Variants in CNOT2 observed in about 807,000 individuals in gnomAD.
The protein encoded by CNOT2 is CC chemokine receptor 4-negative regulator of transcription 2.
A neutral mutation model predicts 72.1 loss-of-function variants in CNOT2; 7 were observed. The ratio of observed to expected loss-of-function variants is 0.10; its 90% CI spans 0.06 to 0.18. The LOEUF (loss-of-function observed/expected upper bound fraction) is 0.18, where lower values mean the gene tolerates loss of function less well. CNOT2 is among the 10% of genes least tolerant of loss of function. CNOT2 has a pLI of 1.00. For missense variants in CNOT2, 345 were observed against 660.3 expected, an observed-to-expected ratio of 0.52 and a Z score of 5.23; for synonymous variants, 196 against 225.6, an observed-to-expected ratio of 0.87 and a Z score of 1.17.
chr12:70,290,198 A>T (rs1871641769), intron 2 of CNOT2, among the ~76,000 whole-genome samples: 2 of 149,210 alleles, frequency 1.3e-5, no homozygotes, highest in East Asian at 2.0e-4. Context: ...GGCCCTGGGG[A>T]TTGTTTTCTC....
intron 3 of CNOT2, among the ~76,000 whole-genome samples, chr12:70,316,191 CTT>C (rs1316535625): frequency 2.0e-5 from 3 of 152,160 alleles, no homozygotes; most frequent in Admixed American, 1.3e-4. Flanking sequence ...AAACTAGACT[CTT>C]TTTACTTGTG....
At chr12:70,329,703 T>C in intron 5 of CNOT2, 133 bp downstream of exon 5, 1 of 666,064 alleles carries the variant, frequency 1.5e-6, no homozygotes, top group Non-Finnish European at 2.6e-6. Context: ...AAAATACCTA[T>C]GCTCTTTTTA....
intron 1 of CNOT2, among the ~76,000 whole-genome samples, chr12:70,277,100 ATGTT>A (rs1868958897): frequency 6.6e-6 from 1 of 152,066 alleles, no homozygotes; most frequent in Non-Finnish European, 1.5e-5. Context: ...TCCTCACAAA[ATGTT>A]TGTTGATATT....
At chr12:70,328,743 G>A (rs1185355281) in intron 4 of CNOT2, among the ~76,000 whole-genome samples, 2 of 149,946 alleles carry the variant, frequency 1.3e-5, no homozygotes, top group African/African-American at 2.4e-5. Context: ...CTATTAGAAT[G>A]TATAGTCCAT....
At chr12:70,256,552 T>C (rs1416593229) in intron 1 of CNOT2, among the ~76,000 whole-genome samples, 1 of 139,960 alleles carries the variant, frequency 7.1e-6, no homozygotes, top group Non-Finnish European at 1.5e-5. Context: ...GTGAATTAAA[T>C]GTGAGGTTCT....
At chr12:70,300,027 T>C (rs1873615175) in intron 2 of CNOT2, among the ~76,000 whole-genome samples, 1 of 152,380 alleles carries the variant, frequency 6.6e-6, no homozygotes, top group Admixed American at 6.5e-5. Context: ...TGTCTTCTTT[T>C]GAGAAGTGTC....
intron 1 of CNOT2, among the ~76,000 whole-genome samples, chr12:70,268,038 A>T (rs531830110): frequency 6.6e-6 from 1 of 152,228 alleles, no homozygotes; most frequent in Non-Finnish European, 1.5e-5. Context: ...CTGGTCTGAC[A>T]TGTACACACA....
chr12:70,342,851 ATTCACAATGGTACCTAAATT>A (rs1392497690), intron 13 of CNOT2, among the ~76,000 whole-genome samples: 2 of 152,204 alleles, frequency 1.3e-5, no homozygotes, highest in South Asian at 2.1e-4. Flanking sequence ...ACCAAAAAAT[ATTCACAATGGTACCTAAATT>A]TTAGCCTTGG....
At chr12:70,339,866 A>G (rs1402601407) in intron 11 of CNOT2, among the ~76,000 whole-genome samples, 3 of 152,140 alleles carry the variant, frequency 2.0e-5, no homozygotes, top group African/African-American at 7.2e-5. Context: ...CTGACTACCT[A>G]CAGCCACCTA....
Position 70,354,147 on chromosome 12 carries a change from T to A in CNOT2, c.*232T>A. 2.7e-6 allele frequency: 2 copies of A among 750,524 alleles called. No homozygotes were observed. The highest frequency in any genetic ancestry group is 3.7e-6 in the Non-Finnish European group (2 of 540,306). 46.5% of individuals were successfully genotyped at this position (750,524 alleles called of 1,614,324 possible). On this transcript the variant is annotated 3_prime_UTR_variant, in exon 16 of 16. Transcript: ENST00000229195. The stretch of plus-strand genomic sequence containing the variant: ...GTTTTTCTCTAGTTTGAGCAGGGTC[T>A]GAATTTTTTCATTTATTTCCTTTTT...
intron 3 of CNOT2, among the ~76,000 whole-genome samples, chr12:70,316,205 T>C (rs1272280492): frequency 1.3e-5 from 2 of 152,206 alleles, no homozygotes; most frequent in Non-Finnish European, 2.9e-5. Flanking sequence ...TTACTTGTGC[T>C]GCATCCCCTA....
Position 70,332,871 on chromosome 12 carries a change from C to T in CNOT2, c.649+25C>T, listed in dbSNP as rs532211043. Reference sequence around the variant, plus strand: ...GGTAAGCTTATTCTGGAGCTAGTACCCTACAAAAAGTATGATAGATTTATG... The same window carrying T: ...GGTAAGCTTATTCTGGAGCTAGTACTCTACAAAAAGTATGATAGATTTATG... On this transcript the variant is annotated intron_variant, in intron 7 of 15. Transcript: ENST00000229195. The T allele has an allele frequency of 3.2e-4, 501 of 1,559,500 alleles. 6 individuals are homozygous for T. In the South Asian group the frequency reaches 5.6e-3, roughly 17 times the overall value.
chr12:70,273,933 G>C (rs1185627618), intron 1 of CNOT2, among the ~76,000 whole-genome samples: 2 of 152,066 alleles, frequency 1.3e-5, no homozygotes, highest in African/African-American at 4.8e-5. Context: ...ATGACAACCA[G>C]AGAGCAAATT....
chr12:70,267,949 G>C (rs572466928), intron 1 of CNOT2, among the ~76,000 whole-genome samples: 1 of 152,360 alleles, frequency 6.6e-6, no homozygotes, highest in Non-Finnish European at 1.5e-5. Context: ...TGTTAGGCTT[G>C]TGAAACTTGA....
At chr12:70,269,164 T>C (rs1227938819) in intron 1 of CNOT2, among the ~76,000 whole-genome samples, 1 of 152,218 alleles carries the variant, frequency 6.6e-6, no homozygotes, top group Non-Finnish European at 1.5e-5. Flanking sequence ...TTCTGTTTTC[T>C]CTCACTCTGT....
chr12:70,252,121 A>C (rs1958168476), intron 1 of CNOT2, among the ~76,000 whole-genome samples: 1 of 152,214 alleles, frequency 6.6e-6, no homozygotes, highest in African/African-American at 2.4e-5. Flanking sequence ...ATCCTAAATT[A>C]ATGTTTTTAA....
intron 2 of CNOT2, among the ~76,000 whole-genome samples, chr12:70,286,440 T>G (rs1870907568): frequency 6.7e-6 from 1 of 150,086 alleles, no homozygotes; most frequent in Non-Finnish European, 1.5e-5. Context: ...GTACATGGTG[T>G]TAGAAGTACA....
intron 15 of CNOT2, 95 bp from the exon 16 acceptor site, chr12:70,353,734 A>T: frequency 6.6e-7 from 1 of 1,526,150 alleles, no homozygotes. Flanking sequence ...ATTCATATAT[A>T]TTGGGTATTT....
At chr12:70,284,244 CT>C (rs759085835) in intron 2 of CNOT2, among the ~76,000 whole-genome samples, 72 of 138,518 alleles carry the variant, frequency 5.2e-4, no homozygotes, top group Admixed American at 7.3e-4. Context: ...CTATGCCCAG[CT>C]TTTTTTTTTT....
Sources: allele counts gnomAD v4.1 joint callset (sites outside exome capture counted in the v4.1 genomes callset), GRCh38; gene constraint gnomAD v4.1.1; transcripts MANE v1.5; gene names NCBI Gene and HGNC (gene_info 2026-07-23, HGNC 2026-07-21).